Variants in MALRD1 observed in about 807,000 individuals in gnomAD.
MALRD1 encodes MAM and LDL-receptor class A domain-containing protein 1.
Under a neutral mutation model 242.1 loss-of-function variants are expected in MALRD1, and 247 were observed. That is an observed-to-expected ratio of 1.02 (90% CI 0.92 to 1.13). The LOEUF (loss-of-function observed/expected upper bound fraction) is 1.13. Ranked by LOEUF, MALRD1 falls within the 50% of genes most tolerant of loss-of-function variation. MALRD1 has a pLI of 0.00. For synonymous variants in MALRD1, 995 were observed against 866.6 expected, an observed-to-expected ratio of 1.15 and a Z score of -2.60; for missense variants, 2,989 against 2,533.1, an observed-to-expected ratio of 1.18 and a Z score of -3.86.
chr10:19,343,500 T>C (rs1474480324), intron 24 of MALRD1, among the ~76,000 whole-genome samples: 1 of 152,124 alleles, frequency 6.6e-6, no homozygotes, highest in Admixed American at 6.6e-5. Flanking sequence ...GTCAAACTCA[T>C]TCCCATCATC....
chr10:19,242,272 C>T (rs1020267000), intron 18 of MALRD1, among the ~76,000 whole-genome samples: 2 of 152,106 alleles, frequency 1.3e-5, no homozygotes, highest in Non-Finnish European at 2.9e-5. Context: ...GTATTCACTA[C>T]CACAAGAACA....
intron 26 of MALRD1, among the ~76,000 whole-genome samples, chr10:19,354,314 T>C (rs1339585451): frequency 1.3e-5 from 2 of 152,168 alleles, no homozygotes; most frequent in African/African-American, 2.4e-5. Flanking sequence ...TTTTAATGAA[T>C]ATAATTTGTT....
chr10:19,615,926 A>G lies in MALRD1; in HGVS notation c.6137+3A>G. 2 of 1,516,206 alleles carry G rather than the reference A, an allele frequency of 1.3e-6. No individual in the cohort carries two copies. The highest frequency in any genetic ancestry group is 1.8e-6 in the Non-Finnish European group (2 of 1,138,476). The allele number at this position is 1,516,206 out of a possible 1,614,324, so 93.9% of individuals were successfully genotyped here. On this transcript the variant is annotated splice_donor_region_variant and intron_variant, in intron 36 of 39. Transcript: ENST00000454679. ...GAGAAAAATGGTCCTATGTGTCGGTAAGAAGCATTGTTTAATTTTTTTTTT... is the reference window on the plus strand; with the variant it reads ...GAGAAAAATGGTCCTATGTGTCGGTGAGAAGCATTGTTTAATTTTTTTTTT...
At chr10:19,617,584 G>A (rs2131614715) in intron 36 of MALRD1, among the ~76,000 whole-genome samples, 1 of 151,754 alleles carries the variant, frequency 6.6e-6, no homozygotes, top group South Asian at 2.1e-4. Context: ...ATATATGTGG[G>A]TTGTCATGAG....
At chr10:19,664,971 A>G (rs1300842006) in intron 36 of MALRD1, among the ~76,000 whole-genome samples, 1 of 152,114 alleles carries the variant, frequency 6.6e-6, no homozygotes, top group African/African-American at 2.4e-5. Flanking sequence ...ATCTTAGCAG[A>G]TCAAGAGACA....
intron 31 of MALRD1, among the ~76,000 whole-genome samples, chr10:19,515,465 T>C: frequency 6.6e-6 from 1 of 152,214 alleles, no homozygotes; most frequent in East Asian, 1.9e-4. Flanking sequence ...CAAAATTTTA[T>C]CTCTGTCCTT....
At chr10:19,401,853 G>T (rs982320154) in intron 28 of MALRD1, among the ~76,000 whole-genome samples, 3 of 151,980 alleles carry the variant, frequency 2.0e-5, no homozygotes, top group African/African-American at 7.2e-5. Context: ...CAATCTATTT[G>T]CCAACATTTT....
chr10:19,315,783 A>T (rs1166361722), intron 21 of MALRD1, among the ~76,000 whole-genome samples: 3 of 142,680 alleles, frequency 2.1e-5, no homozygotes, highest in African/African-American at 7.7e-5. Flanking sequence ...ATATGTATGT[A>T]TTATATAATT....
chr10:19,159,564 G>A (rs2358341), intron 12 of MALRD1, among the ~76,000 whole-genome samples: 29,405 of 151,748 alleles, frequency 0.19, 3,436 homozygotes, highest in East Asian at 0.32. Context: ...GAATTAGAAC[G>A]AAGTCCACAG....
At chr10:19,594,528 C>A (rs113055996) in intron 33 of MALRD1, among the ~76,000 whole-genome samples, 9 of 152,242 alleles carry the variant, frequency 5.9e-5, no homozygotes, top group African/African-American at 1.9e-4. Context: ...AAAGACACAT[C>A]CTTATGCATG....
chr10:19,331,243 A>G lies in MALRD1; in HGVS notation c.3688-126A>G, dbSNP rs1049134533. On this transcript the variant is annotated intron_variant, in intron 23 of 39. Transcript: ENST00000454679. ...CTTTCAACATAGGGACATAAAAAAC[A>G]AAAACAAAAACAAAAAAACAAACAA... 4 of 853,274 alleles carry G rather than the reference A, an allele frequency of 4.7e-6. No individual in the cohort carries two copies. The African/African-American group carries it at 6.4e-5, about 14-fold the overall frequency. The allele number at this position is 853,274 out of a possible 1,614,324, so 52.9% of individuals were successfully genotyped here.
chr10:19,542,779 G>A (rs143321119), intron 32 of MALRD1, among the ~76,000 whole-genome samples: 1 of 152,196 alleles, frequency 6.6e-6, no homozygotes, highest in African/African-American at 2.4e-5. Flanking sequence ...GGCTTAATTT[G>A]TCCATGTAGG....
At chr10:19,610,767 G>A (rs1488186518) in intron 35 of MALRD1, among the ~76,000 whole-genome samples, 1 of 151,952 alleles carries the variant, frequency 6.6e-6, no homozygotes, top group Non-Finnish European at 1.5e-5. Flanking sequence ...TAGTTCAGAT[G>A]CTTCTTTGCT....
intron 31 of MALRD1, among the ~76,000 whole-genome samples, chr10:19,510,242 A>G (rs1833334430): frequency 6.6e-6 from 1 of 152,188 alleles, no homozygotes; most frequent in Non-Finnish European, 1.5e-5. Context: ...TTACACTGAG[A>G]CATTCCATTG....
rs560175646 is a variant in MALRD1, at chr10:19,604,006, C to T, written c.5945-3771C>T. On this transcript the variant is annotated intron_variant, in intron 34 of 39. Transcript: ENST00000454679. Reference sequence around the variant, plus strand: ...GCAGTTTGGCCAACTACAATAGCTTCTACGTATTCAAGTGAAAGGAGGAAA... The same window carrying T: ...GCAGTTTGGCCAACTACAATAGCTTTTACGTATTCAAGTGAAAGGAGGAAA... Among the ~76,000 whole-genome samples, 10 of 152,220 alleles carry T rather than the reference C, an allele frequency of 6.6e-5. No individual in the cohort carries two copies. The South Asian group carries it at 2.1e-3, about 32-fold the overall frequency.
intron 4 of MALRD1, among the ~76,000 whole-genome samples, chr10:19,103,551 CAA>C (rs61433069): frequency 3.6e-5 from 4 of 109,728 alleles, no homozygotes; most frequent in Non-Finnish European, 1.8e-5. Context: ...GACTCCGTCT[CAA>C]AAAAAAAAAA....
intron 36 of MALRD1, among the ~76,000 whole-genome samples, chr10:19,685,200 A>G (rs1239614419): frequency 6.6e-6 from 1 of 152,090 alleles, no homozygotes; most frequent in African/African-American, 2.4e-5. Flanking sequence ...TCATGAAGCA[A>G]TTTTTTCATG....
At chr10:19,582,104 T>C (rs1837158131) in intron 33 of MALRD1, among the ~76,000 whole-genome samples, 1 of 152,116 alleles carries the variant, frequency 6.6e-6, no homozygotes, top group South Asian at 2.1e-4. Flanking sequence ...TTGAGTTCAT[T>C]GTAGATCCTG....
At chr10:19,049,270 C>A in intron 1 of MALRD1, 133 bp downstream of exon 1, 1 of 573,934 alleles carries the variant, frequency 1.7e-6, no homozygotes, top group South Asian at 9.5e-5. Flanking sequence ...TAGTGTAGAT[C>A]AGAAACTAAG....
Sources: gnomAD v4.1 joint callset for allele counts (sites outside exome capture counted in the v4.1 genomes callset) on GRCh38, gnomAD v4.1.1 for gene constraint, MANE v1.5 for transcripts, NCBI Gene and HGNC (gene_info 2026-07-23, HGNC 2026-07-21) for gene names.